Variants in GRIN2A observed in about 807,000 individuals in gnomAD.
The protein encoded by GRIN2A is glutamate ionotropic receptor NMDA type subunit 2A, also known as glutamate receptor ionotropic, NMDA 2A.
In GRIN2A, 22 loss-of-function variants were observed where a neutral mutation model predicts 113.4. The observed-to-expected ratio is 0.19, with a 90% CI of 0.14 to 0.28. The LOEUF is 0.28. Ranked by LOEUF, GRIN2A falls within the 10% of genes least tolerant of loss-of-function variation. The pLI is 1.00. For synonymous variants in GRIN2A, 827 were observed against 738.4 expected (o/e 1.12, Z -1.94); for missense variants, 1,502 against 1,887.0 (o/e 0.80, Z 3.78).
rs185987578 is a variant in GRIN2A at position 10,108,995 on chromosome 16, A to G, written c.414+71003T>C. On this transcript the variant is annotated intron_variant, in intron 2 of 12. Coordinates refer to ENST00000330684, the MANE Select transcript of GRIN2A (RefSeq NM_001134407.3). Reference sequence around the variant, plus strand: ...AGAAATAACAGAGAAAACTAATGAAACCCAAAGCTGATTCTCTTTAAAAAA... The same window carrying G: ...AGAAATAACAGAGAAAACTAATGAAGCCCAAAGCTGATTCTCTTTAAAAAA... Among the ~76,000 whole-genome samples, 6 of 144,012 alleles carry G rather than the reference A, an allele frequency of 4.2e-5. No homozygotes were observed. The Admixed American group carries it at 4.3e-4, about 10-fold the overall frequency. 94.5% of individuals were successfully genotyped at this position (144,012 alleles called of 152,430 possible).
chr16:9,972,715 C>G (rs575732467), intron 2 of GRIN2A, among the ~76,000 whole-genome samples: 6 of 152,240 alleles, frequency 3.9e-5, no homozygotes, highest in Non-Finnish European at 1.5e-5. Flanking sequence ...AGCAGAGGGG[C>G]TTTTATAAAT....
intron 2 of GRIN2A, among the ~76,000 whole-genome samples, chr16:10,061,436 A>C (rs891571277): frequency 6.6e-6 from 1 of 152,222 alleles, no homozygotes; most frequent in Non-Finnish European, 1.5e-5. Context: ...CCCGAATACT[A>C]AAATCCAATG....
At chr16:9,999,233 TG>T (rs899308490) in intron 2 of GRIN2A, among the ~76,000 whole-genome samples, 1 of 152,190 alleles carries the variant, frequency 6.6e-6, no homozygotes, top group Non-Finnish European at 1.5e-5. Context: ...TCAGACTGCC[TG>T]GGTTCAAATC....
At chr16:10,081,881 GACCTATGT>G (rs760480156) in intron 2 of GRIN2A, among the ~76,000 whole-genome samples, 6 of 152,188 alleles carry the variant, frequency 3.9e-5, no homozygotes, top group Non-Finnish European at 7.3e-5. Context: ...GGTAAGCTGA[GACCTATGT>G]ACTGGAAAAA....
chr16:10,092,780 A>G (rs1371343463), intron 2 of GRIN2A, among the ~76,000 whole-genome samples: 1 of 152,156 alleles, frequency 6.6e-6, no homozygotes, highest in Non-Finnish European at 1.5e-5. Context: ...CCTTCTCTTA[A>G]GCCCTCCATC....
rs376549039 is a variant in GRIN2A, at chr16:10,078,152, G to A, written c.414+101846C>T. Among the ~76,000 whole-genome samples, 46 of 152,302 alleles carry A rather than the reference G, an allele frequency of 3.0e-4. No individual in the cohort carries two copies. The South Asian group carries it at 9.3e-3, about 31-fold the overall frequency. On this transcript the variant is annotated intron_variant, in intron 2 of 12. Transcript: ENST00000330684. ...CAATAAAGCTGTTAAATTAGAAAAT[G>A]TTAGTAATAATAATGACAACAACAA...
intron 2 of GRIN2A, among the ~76,000 whole-genome samples, chr16:10,146,649 G>A (rs79845312): frequency 2.0e-5 from 3 of 152,122 alleles, no homozygotes; most frequent in African/African-American, 7.2e-5. Flanking sequence ...TTATGACTCT[G>A]AAAGCCCACT....
chr16:10,111,311 C>T (rs939256378), intron 2 of GRIN2A: 11 of 380,044 alleles, frequency 2.9e-5, no homozygotes, highest in African/African-American at 1.5e-4. Flanking sequence ...AGGCCCACAG[C>T]GTCAGCAGCA....
At chr16:9,947,611 G>A (rs968170364) in intron 2 of GRIN2A, among the ~76,000 whole-genome samples, 2 of 152,146 alleles carry the variant, frequency 1.3e-5, no homozygotes, top group Non-Finnish European at 2.9e-5. Flanking sequence ...AAACAGCTCT[G>A]AATGCTCAAG....
chr16:10,073,920 C>A (rs377051554), intron 2 of GRIN2A, among the ~76,000 whole-genome samples: 3,632 of 129,144 alleles, frequency 0.028, no homozygotes, highest in Non-Finnish European at 0.033. Flanking sequence ...ACCCCCGTCA[C>A]AAAAAAAAAA....
chr16:9,802,704 C>T (rs540569235), intron 10 of GRIN2A, among the ~76,000 whole-genome samples: 1 of 152,150 alleles, frequency 6.6e-6, no homozygotes, highest in Non-Finnish European at 1.5e-5. Context: ...TTATAAAACC[C>T]TCTAGGACAA....
At chr16:10,043,437 C>T (rs904558397) in intron 2 of GRIN2A, among the ~76,000 whole-genome samples, 8 of 152,296 alleles carry the variant, frequency 5.3e-5, no homozygotes, top group African/African-American at 7.2e-5. Context: ...AATGCTCACT[C>T]GCTACCTCCT....
chr16:9,922,315 A>C lies in GRIN2A; in HGVS notation c.1007+15644T>G, dbSNP rs996349032. Among the ~76,000 whole-genome samples, 87 of 151,980 alleles carry C rather than the reference A, an allele frequency of 5.7e-4. 1 individual carries two copies. Among genetic ancestry groups the C allele is most frequent in the Non-Finnish European group, 8.8e-5 (6 of 67,924 alleles). On this transcript the variant is annotated intron_variant, in intron 3 of 12. Transcript: ENST00000330684. The stretch of plus-strand genomic sequence containing the variant: ...CAACACCATCAATCTGCAGATTTAA[A>C]AAAAAAAAAGGAGAATCAGAAAAGT...
intron 3 of GRIN2A, among the ~76,000 whole-genome samples, chr16:9,901,275 T>G (rs1486497088): frequency 1.3e-5 from 2 of 152,174 alleles, no homozygotes; most frequent in Admixed American, 6.5e-5. Context: ...GAGCCCTACT[T>G]TGTCTCTCTG....
At chr16:9,992,066 A>G (rs1478418507) in intron 2 of GRIN2A, among the ~76,000 whole-genome samples, 2 of 152,206 alleles carry the variant, frequency 1.3e-5, no homozygotes, top group African/African-American at 4.8e-5. Context: ...TTAAAGTATA[A>G]TAATTAAAAA....
intron 10 of GRIN2A, among the ~76,000 whole-genome samples, chr16:9,804,314 T>C (rs1011586381): frequency 4.6e-5 from 7 of 152,258 alleles, no homozygotes; most frequent in African/African-American, 1.7e-4. Flanking sequence ...CAGCCTGGTA[T>C]GGGCAGCACT....
At chr16:9,847,099 T>A (rs2042785962) in intron 5 of GRIN2A, among the ~76,000 whole-genome samples, 1 of 152,122 alleles carries the variant, frequency 6.6e-6, no homozygotes. Context: ...CTGGATTGTA[T>A]CAGAAAGTAA....
At chr16:10,108,057 C>A (rs1356019273) in intron 2 of GRIN2A, among the ~76,000 whole-genome samples, 1 of 152,206 alleles carries the variant, frequency 6.6e-6, no homozygotes, top group Non-Finnish European at 1.5e-5. Context: ...AGATTAGGTA[C>A]TCCTTGCATC....
chr16:9,762,971 C>G lies in GRIN2A; in HGVS notation c.*178G>C, dbSNP rs1280427901. ...GCTCAGCACACACCTCACAAGATTC[C>G]TTGAGTGGAAGATTATGGCATGAAG... On this transcript the variant is annotated 3_prime_UTR_variant, in exon 13 of 13. Coordinates refer to ENST00000330684, the MANE Select transcript of GRIN2A (RefSeq NM_001134407.3). The G allele has an allele frequency of 1.5e-6, 1 of 660,976 alleles. No homozygotes were observed. The highest frequency in any genetic ancestry group is 1.9e-5 in the South Asian group (1 of 53,094). 40.9% of individuals were successfully genotyped at this position (660,976 alleles called of 1,614,324 possible). A position where few individuals can be genotyped will look rare whatever the true frequency, so the allele number is the denominator to read the frequency against.
Sources: gnomAD v4.1 joint callset for allele counts (sites outside exome capture counted in the v4.1 genomes callset) on GRCh38, gnomAD v4.1.1 for gene constraint, MANE v1.5 for transcripts, NCBI Gene and HGNC (gene_info 2026-07-23, HGNC 2026-07-21) for gene names.